HTRA1: variants seen among roughly 807,000 people sequenced by gnomAD.
The protein encoded by HTRA1 is HtrA serine peptidase 1, also known as serine protease HTRA1.
In HTRA1, 26 loss-of-function variants were observed where a neutral mutation model predicts 49.7. The ratio of observed to expected loss-of-function variants is 0.52; its 90% CI spans 0.38 to 0.73. The LOEUF (loss-of-function observed/expected upper bound fraction) is 0.73. HTRA1 is among the 30% of genes least tolerant of loss of function. The pLI is 0.00. For synonymous variants in HTRA1, 291 were observed against 286.9 expected, an observed-to-expected ratio of 1.01 and a Z score of -0.14; for missense variants, 561 against 667.2, an observed-to-expected ratio of 0.84 and a Z score of 1.75.
chr10:122,501,136 G>T (rs2097500690), intron 3 of HTRA1, among the ~76,000 whole-genome samples: 2 of 152,164 alleles, frequency 1.3e-5, no homozygotes, highest in African/African-American at 2.4e-5. Flanking sequence ...TCAGCAGAAC[G>T]GCTATGAAGC....
chr10:122,472,051 T>C (rs2097486336), intron 1 of HTRA1, among the ~76,000 whole-genome samples: 1 of 152,186 alleles, frequency 6.6e-6, no homozygotes. Context: ...ATAATTTTGC[T>C]GAAGGGAAAA....
intron 3 of HTRA1, among the ~76,000 whole-genome samples, chr10:122,500,480 C>T (rs1227372263): frequency 2.0e-5 from 3 of 152,228 alleles, no homozygotes; most frequent in Middle Eastern, 3.4e-3. Context: ...GTGCTAAAAC[C>T]GCAATCCAGA....
chr10:122,474,058 G>T (rs988614299), intron 1 of HTRA1, among the ~76,000 whole-genome samples: 3 of 152,192 alleles, frequency 2.0e-5, no homozygotes, highest in Admixed American at 2.0e-4. Context: ...TCCACTGGAA[G>T]AAACTGTAGC....
chr10:122,470,654 C>T (rs2097485728), intron 1 of HTRA1, among the ~76,000 whole-genome samples: 1 of 151,918 alleles, frequency 6.6e-6, no homozygotes, highest in Non-Finnish European at 1.5e-5. Flanking sequence ...AATCCTAAAG[C>T]ACTGAAGTCC....
At chr10:122,496,200 C>T (rs1262672734) in intron 3 of HTRA1, among the ~76,000 whole-genome samples, 1 of 123,628 alleles carries the variant, frequency 8.1e-6, no homozygotes, top group African/African-American at 3.2e-5. Flanking sequence ...ATTTTGTTTG[C>T]CCTTTCGTTT....
At position 122,474,883 on chromosome 10, in the gene HTRA1, C is replaced by G. The variant is rs143855471; in HGVS notation, c.472+12759C>G. Among the ~76,000 whole-genome samples the G allele has an allele frequency of 2.5e-3, 379 of 152,116 alleles. 1 individual carries two copies. Among genetic ancestry groups the G allele is most frequent in the African/African-American group, 8.8e-3 (363 of 41,474 alleles). ...TAGATCAAGCAAGGACTGAAAAACA[C>G]AATTTTTTTTTTCTTTGCCAGTGAG... On this transcript the variant is annotated intron_variant, in intron 1 of 8. Transcript: ENST00000368984.
chr10:122,505,715 G>A (rs2097502750), intron 3 of HTRA1, among the ~76,000 whole-genome samples: 1 of 152,216 alleles, frequency 6.6e-6, no homozygotes, highest in Non-Finnish European at 1.5e-5. Context: ...CACGAGGGCT[G>A]GGGTGGCTGT....
chr10:122,482,264 C>A (rs2097491340), intron 1 of HTRA1, among the ~76,000 whole-genome samples: 1 of 152,160 alleles, frequency 6.6e-6, no homozygotes. Flanking sequence ...CACCACCATG[C>A]CCATTTCCAG....
chr10:122,503,351 C>T lies in HTRA1; in HGVS notation c.778-3340C>T, dbSNP rs149396137. 1.5e-3 allele frequency among the ~76,000 whole-genome samples: 224 copies of T among 152,314 alleles called. 2 individuals carry two copies. In the Middle Eastern group the frequency reaches 0.024, roughly 16 times the overall value. On this transcript the variant is annotated intron_variant, in intron 3 of 8. Coordinates refer to ENST00000368984, the MANE Select transcript of HTRA1 (RefSeq NM_002775.5). ...GGTATAGCTGCTGAGTAGACAGACT[C>T]GAGGTGAGGCTCACGGCTGAGAACA...
Position 122,490,781 on chromosome 10 carries a change from C to T in HTRA1, c.777+1155C>T, listed in dbSNP as rs988385190. ...ACACCTCCTTCTGGAAACAACTCTG[C>T]GTGTGCTGTTTGGGTGGTAGGATTC... On this transcript the variant is annotated intron_variant, in intron 3 of 8. Transcript: ENST00000368984. The surrounding 1 kb of genome is among the most constrained non-coding windows in gnomAD (Gnocchi z 4.2). Among the ~76,000 whole-genome samples the T allele has an allele frequency of 7.2e-5, 11 of 152,310 alleles. No homozygotes were observed. Among genetic ancestry groups the T allele is most frequent in the Admixed American group, 5.2e-4 (8 of 15,296 alleles).
chr10:122,494,514 C>T lies in HTRA1; in HGVS notation c.777+4888C>T, dbSNP rs1023807770. Among the ~76,000 whole-genome samples, 5 of 152,296 alleles carry T rather than the reference C, an allele frequency of 3.3e-5. No individual in the cohort carries two copies. Among genetic ancestry groups the T allele is most frequent in the African/African-American group, 7.2e-5 (3 of 41,548 alleles). On this transcript the variant is annotated intron_variant, in intron 3 of 8. Transcript: ENST00000368984. The surrounding 1 kb of genome is among the most constrained non-coding windows in gnomAD (Gnocchi z 4.0). ...ACAGCAGGTCTATGGTCTTTGGTAA[C>T]GGAAAGCGCTGGTGAAACAGTGAGC...
intron 1 of HTRA1, among the ~76,000 whole-genome samples, chr10:122,465,074 T>A (rs1004528733): frequency 2.0e-5 from 3 of 152,188 alleles, no homozygotes; most frequent in South Asian, 4.1e-4. Context: ...TCACAGTAGA[T>A]CTTTGGATAG....
At chr10:122,493,957 C>T (rs1213812822) in intron 3 of HTRA1, among the ~76,000 whole-genome samples, 2 of 151,982 alleles carry the variant, frequency 1.3e-5, no homozygotes, top group African/African-American at 4.8e-5. Context: ...CCAGGAGCGC[C>T]CCTCTCCAGC....
At chr10:122,505,499 C>G (rs781154351) in intron 3 of HTRA1, among the ~76,000 whole-genome samples, 9 of 152,146 alleles carry the variant, frequency 5.9e-5, no homozygotes, top group African/African-American at 2.2e-4. Context: ...TGCTCTGTCT[C>G]GAGTCACCCA....
Position 122,514,859 on chromosome 10 carries a change from G to A in HTRA1, c.*500G>A, listed in dbSNP as rs558185800. 1.9e-4 allele frequency: 37 copies of A among 195,364 alleles called. No homozygotes were observed. The highest frequency in any genetic ancestry group is 8.4e-4 in the African/African-American group (36 of 42,862). 12.1% of individuals were successfully genotyped at this position (195,364 alleles called of 1,614,324 possible). On this transcript the variant is annotated 3_prime_UTR_variant, in exon 9 of 9. Transcript: ENST00000368984. The stretch of plus-strand genomic sequence containing the variant: ...CTTTTAGGAATCTCTTTGGAATTGG[G>A]AGCACGATGACTCTGAGTTTGAGCT...
In HTRA1 at chr10:122,472,243, C is replaced by T. The variant is rs143772902; in HGVS notation, c.472+10119C>T. The stretch of plus-strand genomic sequence containing the variant: ...AGACATGATGGAAAATGCATTTATA[C>T]ATTTGATGACATATTGTACTATCTC... On this transcript the variant is annotated intron_variant, in intron 1 of 8. Coordinates refer to ENST00000368984, the MANE Select transcript of HTRA1 (RefSeq NM_002775.5). Among the ~76,000 whole-genome samples, 1,076 of 151,630 alleles carry T rather than the reference C, an allele frequency of 7.1e-3. 9 individuals carry two copies. Among genetic ancestry groups the T allele is most frequent in the Non-Finnish European group, 9.9e-3 (673 of 67,920 alleles).
chr10:122,488,354 G>A, intron 1 of HTRA1, among the ~76,000 whole-genome samples: 1 of 152,148 alleles, frequency 6.6e-6, no homozygotes, highest in East Asian at 1.9e-4. Flanking sequence ...GATCACCTGA[G>A]GTCAGGAGTT....
chr10:122,490,479 G>A lies in HTRA1; in HGVS notation c.777+853G>A, dbSNP rs1286319295. ...CTCATCAAAAACCCCCACTCGACAC[G>A]TCGATGAGAGAGGTTTTGTTTGCTG... is the stretch of plus-strand genomic sequence containing the variant. On this transcript the variant is annotated intron_variant, in intron 3 of 8. Transcript: ENST00000368984. This position sits in a 1 kb window ranked among gnomAD's most constrained non-coding sequence, Gnocchi z 4.2. Among the ~76,000 whole-genome samples, 1 of 152,166 alleles carries A rather than the reference G, an allele frequency of 6.6e-6. No individual in the cohort carries two copies. Among genetic ancestry groups the A allele is most frequent in the South Asian group, 2.1e-4 (1 of 4,838 alleles).
Position 122,490,577 on chromosome 10 carries a change from G to T in HTRA1, c.777+951G>T, listed in dbSNP as rs2239588. Among the ~76,000 whole-genome samples, 2 of 152,152 alleles carry T rather than the reference G, an allele frequency of 1.3e-5. No individual in the cohort carries two copies. Among genetic ancestry groups the T allele is most frequent in the East Asian group, 1.9e-4 (1 of 5,156 alleles). The stretch of plus-strand genomic sequence containing the variant: ...ATAATTTTCTAGACTTCAGATGGAG[G>T]GAACAATCAGAGGAGGCTGGAATCC... On this transcript the variant is annotated intron_variant, in intron 3 of 8. Coordinates refer to ENST00000368984, the MANE Select transcript of HTRA1 (RefSeq NM_002775.5). This position sits in a 1 kb window ranked among gnomAD's most constrained non-coding sequence, Gnocchi z 4.2.
Sources: allele counts gnomAD v4.1 joint callset (sites outside exome capture counted in the v4.1 genomes callset), GRCh38; gene constraint gnomAD v4.1.1; non-coding constraint Gnocchi (gnomAD v3.1); transcripts MANE v1.5; gene names NCBI Gene and HGNC (gene_info 2026-07-23, HGNC 2026-07-21).